Variants in PRKCB observed in about 807,000 individuals in gnomAD.
PRKCB encodes the protein protein kinase C beta type.
A neutral mutation model predicts 81.5 loss-of-function variants in PRKCB; 13 were observed. The ratio of observed to expected loss-of-function variants is 0.16; its 90% confidence interval spans 0.10 to 0.25. The LOEUF (loss-of-function observed/expected upper bound fraction) is 0.25, where lower values mean the gene tolerates loss of function less well. PRKCB is among the 10% of genes least tolerant of loss of function. The probability of loss-of-function intolerance (pLI) is 1.00; values close to 1 mark genes in which losing one functional copy is unlikely to be tolerated. For synonymous variants in PRKCB, 335 were observed against 321.4 expected, an observed-to-expected ratio of 1.04 and a Z score of -0.45; for missense variants, 509 against 875.7, an observed-to-expected ratio of 0.58 and a Z score of 5.29.
At chr16:24,036,615 A>G (rs1000289384) in intron 5 of PRKCB, among the ~76,000 whole-genome samples, 8 of 152,170 alleles carry the variant, frequency 5.3e-5, no homozygotes, top group African/African-American at 9.7e-5. Flanking sequence ...TAAAAGCTGA[A>G]AAATACTTAT....
intron 10 of PRKCB, among the ~76,000 whole-genome samples, chr16:24,158,360 T>G (rs910207958): frequency 3.9e-5 from 6 of 152,224 alleles, no homozygotes; most frequent in Admixed American, 6.5e-5. Flanking sequence ...CAAACAATTT[T>G]AAGTCTCTTG....
chr16:24,173,459 C>G (rs757785166), intron 11 of PRKCB, among the ~76,000 whole-genome samples: 2 of 152,154 alleles, frequency 1.3e-5, no homozygotes, highest in Admixed American at 6.5e-5. Flanking sequence ...AGCTTGCCCC[C>G]TCTCCTCCCA....
At chr16:24,058,208 T>C (rs1965928820) in intron 5 of PRKCB, among the ~76,000 whole-genome samples, 1 of 152,176 alleles carries the variant, frequency 6.6e-6, no homozygotes, top group South Asian at 2.1e-4. Context: ...AAAGCCCGCC[T>C]CTGAGTCTTA....
chr16:24,103,712 C>T (rs1003916305), intron 7 of PRKCB, among the ~76,000 whole-genome samples: 4 of 152,178 alleles, frequency 2.6e-5, no homozygotes, highest in African/African-American at 9.7e-5. Context: ...CTTCCCCTCC[C>T]CTCTCCCCTC....
chr16:23,918,088 C>A (rs1267134111), intron 2 of PRKCB, among the ~76,000 whole-genome samples: 1 of 151,916 alleles, frequency 6.6e-6, no homozygotes, highest in Non-Finnish European at 1.5e-5. Context: ...TTCTTAGAGC[C>A]GGCTGGGGAT....
chr16:23,995,243 A>G (rs1297916865), intron 3 of PRKCB, among the ~76,000 whole-genome samples: 1 of 152,124 alleles, frequency 6.6e-6, no homozygotes, highest in African/African-American at 2.4e-5. Context: ...ATGCTGGCCT[A>G]CTTACCAAGG....
At position 24,092,738 on chromosome 16, in the gene PRKCB, G is replaced by T. The variant is rs1966390339; in HGVS notation, c.530-53G>T. 17 of 1,537,570 alleles carry T rather than the reference G, an allele frequency of 1.1e-5. No individual in the cohort carries two copies. The South Asian group carries it at 1.4e-4, about 13-fold the overall frequency. On this transcript the variant is annotated intron_variant, in intron 5 of 16. Coordinates refer to ENST00000643927, the MANE Select transcript of PRKCB (RefSeq NM_002738.7). ...CAAGTTCTGCAGCTGTCACTGCTTG[G>T]TGCTTAAACATGTTGGACAGTATTA...
chr16:24,204,335 G>A (rs1344887297), intron 16 of PRKCB, among the ~76,000 whole-genome samples: 2 of 152,078 alleles, frequency 1.3e-5, no homozygotes, highest in Non-Finnish European at 2.9e-5. Flanking sequence ...GAGGCAATGG[G>A]ATGTAATGGA....
chr16:24,037,151 G>A (rs1358359508), intron 5 of PRKCB, among the ~76,000 whole-genome samples: 1 of 152,050 alleles, frequency 6.6e-6, no homozygotes. Flanking sequence ...ACCACGCCTG[G>A]CTAATATTTG....
chr16:23,856,104 C>A, intron 2 of PRKCB, among the ~76,000 whole-genome samples: 1 of 152,202 alleles, frequency 6.6e-6, no homozygotes, highest in East Asian at 1.9e-4. Flanking sequence ...CTTGCTGGCA[C>A]TGGAATATCA....
At chr16:23,859,940 A>T (rs1032046205) in intron 2 of PRKCB, among the ~76,000 whole-genome samples, 9 of 152,064 alleles carry the variant, frequency 5.9e-5, no homozygotes, top group Non-Finnish European at 1.5e-5. Flanking sequence ...GGAAGGACCC[A>T]TGGAGGGGAG....
At chr16:24,180,564 A>T (rs1326462647) in intron 12 of PRKCB, among the ~76,000 whole-genome samples, 2 of 152,000 alleles carry the variant, frequency 1.3e-5, no homozygotes, top group African/African-American at 4.8e-5. Flanking sequence ...TCCTTGTGAG[A>T]CACTTGGCAC....
chr16:24,030,066 A>AT (rs1965532306), intron 3 of PRKCB, among the ~76,000 whole-genome samples: 1 of 151,984 alleles, frequency 6.6e-6, no homozygotes, highest in South Asian at 2.1e-4. Flanking sequence ...CACCTGGCTA[A>AT]TTTTTTATTG....
At chr16:24,006,067 C>T (rs1316332685) in intron 3 of PRKCB, among the ~76,000 whole-genome samples, 1 of 152,190 alleles carries the variant, frequency 6.6e-6, no homozygotes, top group Non-Finnish European at 1.5e-5. Flanking sequence ...CTCCCTTCCT[C>T]CCTTCCTCCC....
intron 2 of PRKCB, among the ~76,000 whole-genome samples, chr16:23,975,481 C>G (rs937334665): frequency 6.6e-6 from 1 of 152,116 alleles, no homozygotes; most frequent in African/African-American, 2.4e-5. Flanking sequence ...ATCCTAAAGG[C>G]ACCTACTGAG....
chr16:23,921,300 T>C (rs1015543181), intron 2 of PRKCB, among the ~76,000 whole-genome samples: 3 of 152,142 alleles, frequency 2.0e-5, no homozygotes, highest in Non-Finnish European at 4.4e-5. Flanking sequence ...CAAATGGCAA[T>C]ATTAATAAGA....
chr16:23,890,460 CAA>C, intron 2 of PRKCB, among the ~76,000 whole-genome samples: 1 of 152,234 alleles, frequency 6.6e-6, no homozygotes, highest in Admixed American at 6.5e-5. Flanking sequence ...TTCTATGAAA[CAA>C]GGAGAGACGC....
chr16:24,076,299 T>C (rs1027173904), intron 5 of PRKCB, among the ~76,000 whole-genome samples: 1 of 152,204 alleles, frequency 6.6e-6, no homozygotes, highest in African/African-American at 2.4e-5. Context: ...TGTTGGCAGA[T>C]GTACAGGAGT....
At chr16:23,964,674 G>GTTTT (rs71381628) in intron 2 of PRKCB, among the ~76,000 whole-genome samples, 2 of 138,902 alleles carry the variant, frequency 1.4e-5, no homozygotes, top group Admixed American at 7.2e-5. Context: ...ACCTCATGAG[G>GTTTT]TTTTTTTTTT....
Sources: allele counts gnomAD v4.1 joint callset (sites outside exome capture counted in the v4.1 genomes callset), GRCh38; gene constraint gnomAD v4.1.1; transcripts MANE v1.5; gene names NCBI Gene and HGNC (gene_info 2026-07-23, HGNC 2026-07-21).